The following CDIN1 variants were observed in gnomAD, a reference collection of about 807,000 sequenced individuals.
The protein encoded by CDIN1 is CDAN1 interacting nuclease 1.
Under a neutral mutation model 45.3 loss-of-function variants are expected in CDIN1, and 33 were observed. The ratio of observed to expected loss-of-function variants is 0.73; its 90% confidence interval spans 0.55 to 0.97. The LOEUF (loss-of-function observed/expected upper bound fraction) is 0.97. CDIN1 is among the 50% of genes least tolerant of loss of function. The pLI is 0.00. For synonymous variants in CDIN1, 118 were observed against 124.4 expected, an observed-to-expected ratio of 0.95 and a Z score of 0.34; for missense variants, 303 against 339.4, an observed-to-expected ratio of 0.89 and a Z score of 0.84.
At chr15:36,778,781 C>T (rs1361845616) in intron 10 of CDIN1, among the ~76,000 whole-genome samples, 1 of 152,148 alleles carries the variant, frequency 6.6e-6, no homozygotes, top group African/African-American at 2.4e-5. Context: ...AATCAACTCA[C>T]TCTAAGCACA....
chr15:36,690,148 A>G (rs2042191135), intron 5 of CDIN1, among the ~76,000 whole-genome samples: 1 of 152,236 alleles, frequency 6.6e-6, no homozygotes, highest in Non-Finnish European at 1.5e-5. Context: ...ATGTAGTTAT[A>G]TGACTAACAG....
intron 1 of CDIN1, among the ~76,000 whole-genome samples, chr15:36,605,435 C>T (rs779966513): frequency 6.6e-6 from 1 of 151,838 alleles, no homozygotes; most frequent in African/African-American, 2.4e-5. Flanking sequence ...AAAGTTAGTT[C>T]TGTTAAATAG....
At chr15:36,740,441 C>G (rs571002051) in intron 10 of CDIN1, among the ~76,000 whole-genome samples, 25 of 152,024 alleles carry the variant, frequency 1.6e-4, no homozygotes, top group Non-Finnish European at 2.9e-4. Context: ...AGGGACCAGA[C>G]AGATAACAGA....
intron 1 of CDIN1, chr15:36,641,446 C>G (rs1289500484): frequency 6.6e-6 from 1 of 152,228 alleles, no homozygotes; most frequent in East Asian, 1.9e-4. Flanking sequence ...CCTAGCCATT[C>G]TTTGGGTCCA....
At chr15:36,686,059 G>A (rs2042030852) in intron 5 of CDIN1, among the ~76,000 whole-genome samples, 1 of 151,618 alleles carries the variant, frequency 6.6e-6, no homozygotes, top group African/African-American at 2.4e-5. Flanking sequence ...CCCATTACTG[G>A]GTATATACCC....
At chr15:36,756,772 C>G (rs1004916355) in intron 10 of CDIN1, among the ~76,000 whole-genome samples, 4 of 152,108 alleles carry the variant, frequency 2.6e-5, no homozygotes, top group African/African-American at 9.7e-5. Flanking sequence ...TATATGTAAC[C>G]ACACTCCCTT....
intron 5 of CDIN1, among the ~76,000 whole-genome samples, chr15:36,666,550 G>A (rs1392785651): frequency 6.6e-6 from 1 of 151,992 alleles, no homozygotes; most frequent in Non-Finnish European, 1.5e-5. Flanking sequence ...CTGTTTAATC[G>A]TGTTATTTTC....
At chr15:36,614,911 C>A (rs1234787124) in intron 1 of CDIN1, among the ~76,000 whole-genome samples, 5 of 152,144 alleles carry the variant, frequency 3.3e-5, no homozygotes, top group African/African-American at 7.2e-5. Flanking sequence ...TCTCTACCCC[C>A]TCCCAACTGC....
chr15:36,594,136 A>C (rs1298940935), intron 1 of CDIN1, among the ~76,000 whole-genome samples: 1 of 152,172 alleles, frequency 6.6e-6, no homozygotes, highest in African/African-American at 2.4e-5. Flanking sequence ...TTTAGTTTTC[A>C]TTGTATCATA....
chr15:36,701,176 A>G (rs1029646448), intron 8 of CDIN1, among the ~76,000 whole-genome samples: 2 of 150,598 alleles, frequency 1.3e-5, no homozygotes, highest in African/African-American at 4.9e-5. Flanking sequence ...ATAGATAGAT[A>G]TGAGCATTTA....
chr15:36,801,432 AC>A (rs1374724140), intron 10 of CDIN1, among the ~76,000 whole-genome samples: 1 of 152,146 alleles, frequency 6.6e-6, no homozygotes, highest in South Asian at 2.1e-4. Context: ...GCATCTGTAT[AC>A]TAGAGGTATT....
intron 1 of CDIN1, among the ~76,000 whole-genome samples, chr15:36,636,077 G>A (rs990557351): frequency 2.0e-5 from 3 of 151,976 alleles, no homozygotes; most frequent in South Asian, 2.1e-4. Context: ...TGAAAGGTAC[G>A]CAGTCACATA....
intron 5 of CDIN1, among the ~76,000 whole-genome samples, chr15:36,670,245 C>A (rs1239176907): frequency 1.3e-5 from 2 of 152,018 alleles, no homozygotes; most frequent in South Asian, 2.1e-4. Context: ...CTTCTCTTGT[C>A]TGTGTTACCC....
chr15:36,696,946 T>TAAAA (rs1163749494), intron 7 of CDIN1, among the ~76,000 whole-genome samples: 9 of 92,226 alleles, frequency 9.8e-5, no homozygotes, highest in Non-Finnish European at 1.5e-4. Flanking sequence ...ATTCCATTTC[T>TAAAA]AAAAAAAAAA....
chr15:36,591,427 T>C (rs1021124592), intron 1 of CDIN1, among the ~76,000 whole-genome samples: 1 of 152,210 alleles, frequency 6.6e-6, no homozygotes, highest in African/African-American at 2.4e-5. Context: ...CTGTTCCTTG[T>C]ATAACGTTAA....
At chr15:36,728,373 A>G (rs981727052) in intron 10 of CDIN1, among the ~76,000 whole-genome samples, 5 of 152,124 alleles carry the variant, frequency 3.3e-5, no homozygotes, top group South Asian at 4.1e-4. Context: ...AAGAGCAGAC[A>G]TTTGTTTGTG....
chr15:36,675,213 A>G (rs912838558), intron 5 of CDIN1, among the ~76,000 whole-genome samples: 3 of 152,154 alleles, frequency 2.0e-5, no homozygotes, highest in Non-Finnish European at 4.4e-5. Flanking sequence ...TGCTAAAGTC[A>G]GCAAAAAATG....
At chr15:36,600,640 C>CT (rs1468067450) in intron 1 of CDIN1, among the ~76,000 whole-genome samples, 1 of 152,096 alleles carries the variant, frequency 6.6e-6, no homozygotes, top group African/African-American at 2.4e-5. Flanking sequence ...GTAGACAGAG[C>CT]TTTTCAGTTA....
At chr15:36,739,462 G>GCTGT (rs1427874190) in intron 10 of CDIN1, among the ~76,000 whole-genome samples, 1 of 151,946 alleles carries the variant, frequency 6.6e-6, no homozygotes, top group African/African-American at 2.4e-5. Context: ...GAAAAGACAG[G>GCTGT]CTGTCTCCTC....
Sources: gnomAD v4.1 joint callset for allele counts (sites outside exome capture counted in the v4.1 genomes callset) on GRCh38, gnomAD v4.1.1 for gene constraint, MANE v1.5 for transcripts, NCBI Gene and HGNC (gene_info 2026-07-23, HGNC 2026-07-21) for gene names.